The following HARS1 variants were observed in gnomAD, a reference collection of about 807,000 sequenced individuals.
HARS1 encodes histidine--tRNA ligase, cytoplasmic.
In HARS1, 45 loss-of-function variants were observed where a neutral mutation model predicts 63.6. The ratio of observed to expected loss-of-function variants is 0.71; its 90% confidence interval spans 0.56 to 0.91. HARS1 has a LOEUF of 0.91. Among genes scored for constraint, HARS1 ranks in the 40% least tolerant of loss-of-function variants. The pLI is 0.00. For missense variants in HARS1, 508 were observed against 643.2 expected (o/e 0.79, Z 2.27); for synonymous variants, 205 against 247.1 (o/e 0.83, Z 1.60).
Position 140,675,026 on chromosome 5 carries a change from A to G in HARS1, c.1302T>C (p.Ala434=). ...RLKLVSELWD[A]GIKAELLYKK... ...GGCTTGCCTCCCATACCTTGATCCC[A>G]GCATCCCACAGTTCTGAGACAAGCT... Residue 434 remains alanine, a synonymous_variant, in exon 11 of 13, where the codon GCT becomes GCC. Transcript: ENST00000504156. 1 of 1,608,172 alleles carries G rather than the reference A, an allele frequency of 6.2e-7. No homozygotes were observed. The highest frequency in any genetic ancestry group is 8.5e-7 in the Non-Finnish European group (1 of 1,174,720).
intron 7 of HARS1, 89 bp downstream of exon 7, chr5:140,677,566 G>T: frequency 1.9e-6 from 2 of 1,072,266 alleles, no homozygotes; most frequent in Non-Finnish European, 2.9e-6. Context: ...GGGTATAGAG[G>T]CATGCACCTC....
In HARS1 at chr5:140,674,156, G is replaced by A; in HGVS notation, c.*101C>T. 1.2e-6 allele frequency: 1 copy of A among 803,178 alleles called. No individual in the cohort carries two copies. The highest frequency in any genetic ancestry group is 2.2e-6 in the Non-Finnish European group (1 of 445,124). 49.8% of individuals were successfully genotyped at this position (803,178 alleles called of 1,614,324 possible). ...GTTCTGACCACTCTTCAGGTCTTCC[G>A]CTGAAACGGAAAAGTGCAAAGCAAT... On this transcript the variant is annotated 3_prime_UTR_variant, in exon 13 of 13. Coordinates refer to ENST00000504156, the MANE Select transcript of HARS1 (RefSeq NM_002109.6).
chr5:140,677,860 G>T, intron 6 of HARS1, 48 bp downstream of exon 6: 2 of 1,429,564 alleles, frequency 1.4e-6, no homozygotes, highest in African/African-American at 1.4e-5. Context: ...ATCTTCTCTT[G>T]TGAGAGGCCA....
chr5:140,674,163 C>G lies in HARS1; in HGVS notation c.*94G>C. 1 of 827,248 alleles carries G rather than the reference C, an allele frequency of 1.2e-6. No homozygotes were observed. Among genetic ancestry groups the G allele is most frequent in the East Asian group, 2.4e-5 (1 of 41,144 alleles). The allele number at this position is 827,248 out of a possible 1,614,324, so 51.2% of individuals were successfully genotyped here. A position where few individuals can be genotyped will look rare whatever the true frequency, so the allele number is the denominator to read the frequency against. ...CCACTCTTCAGGTCTTCCGCTGAAACGGAAAAGTGCAAAGCAATTGAAGTA... is the reference window on the plus strand; with the variant it reads ...CCACTCTTCAGGTCTTCCGCTGAAAGGGAAAAGTGCAAAGCAATTGAAGTA... On this transcript the variant is annotated 3_prime_UTR_variant, in exon 13 of 13. Transcript: ENST00000504156.
At position 140,676,659 on chromosome 5, in the gene HARS1, G is replaced by T. The variant is rs753260357; in HGVS notation, c.1189C>A (p.Leu397Ile). Residue 397 changes from leucine to isoleucine, a missense_variant, in exon 10 of 13, where the codon CTA becomes ATA. This residue lies in a region of HARS1 where 403 missense variants were observed against 548.7 expected (regional missense o/e 0.73). Coordinates refer to ENST00000504156, the MANE Select transcript of HARS1 (RefSeq NM_002109.6). The surrounding 1 kb of genome is among the most constrained non-coding windows in gnomAD (Gnocchi z 4.1). Reference sequence around the variant, plus strand: ...ACCTACCTCCTAGGACCTACCTCTAGTCTCTGTTCCACGATGGAGAAAATC... The same window carrying T: ...ACCTACCTCCTAGGACCTACCTCTATTCTCTGTTCCACGATGGAGAAAATC... ...ERIFSIVEQR[L>I]EALEEKIRTT... 1 of 1,614,164 alleles carries T rather than the reference G, an allele frequency of 6.2e-7. No homozygotes were observed.
intron 6 of HARS1, 51 bp downstream of exon 6, chr5:140,677,857 C>T (rs1562008559): frequency 4.2e-6 from 6 of 1,424,630 alleles, no homozygotes; most frequent in Non-Finnish European, 5.0e-6. Flanking sequence ...AGGATCTTCT[C>T]TTGTGAGAGG....
Position 140,690,712 on chromosome 5 carries a change from C to A in HARS1, c.180+143G>T, listed in dbSNP as rs1759357694. 4.6e-6 allele frequency: 3 copies of A among 649,714 alleles called. No individual in the cohort carries two copies. The South Asian group carries it at 5.2e-5, about 11-fold the overall frequency. 40.2% of individuals were successfully genotyped at this position (649,714 alleles called of 1,614,324 possible). On this transcript the variant is annotated intron_variant, in intron 2 of 12. Coordinates refer to ENST00000504156, the MANE Select transcript of HARS1 (RefSeq NM_002109.6). ...CAGAATGACTCAGGTAGAGTCCAGT[C>A]CAGCCCAGCGCCCAGAGCGACTGTC...
intron 2 of HARS1, among the ~76,000 whole-genome samples, chr5:140,687,256 T>C (rs1314120028): frequency 6.6e-6 from 1 of 152,182 alleles, no homozygotes; most frequent in East Asian, 1.9e-4. Flanking sequence ...TGGCCAGGCA[T>C]GGTGGCTCAG....
chr5:140,674,992 C>T lies in HARS1; in HGVS notation c.1311+25G>A, dbSNP rs1476393501. 4 of 1,532,618 alleles carry T rather than the reference C, an allele frequency of 2.6e-6. No homozygotes were observed. The South Asian group carries it at 3.3e-5, about 13-fold the overall frequency. The allele number at this position is 1,532,618 out of a possible 1,614,324, so 94.9% of individuals were successfully genotyped here. A position where few individuals can be genotyped will look rare whatever the true frequency, so the allele number is the denominator to read the frequency against. ...GTGTCCAGCACACCTAAGTTTGCTG[C>T]CACCCTGGGGCTTGCCTCCCATACC... is the stretch of plus-strand genomic sequence containing the variant. On this transcript the variant is annotated intron_variant, in intron 11 of 12. Transcript: ENST00000504156.
Position 140,679,673 on chromosome 5 carries a change from T to C in HARS1, c.396+115A>G, listed in dbSNP as rs1047389857. ...TCCACTCCTGGTTTAGAGAAATAAT[T>C]CCCCTAATCGCCAAAGGCCTCATAT... On this transcript the variant is annotated intron_variant, in intron 4 of 12. Transcript: ENST00000504156. The surrounding 1 kb of genome is among the most constrained non-coding windows in gnomAD (Gnocchi z 4.3). The C allele has an allele frequency of 5.3e-6, 3 of 563,266 alleles. No individual in the cohort carries two copies. Among genetic ancestry groups the C allele is most frequent in the African/African-American group, 3.9e-5 (2 of 51,278 alleles). The allele number at this position is 563,266 out of a possible 1,614,324, so 34.9% of individuals were successfully genotyped here.
intron 10 of HARS1, chr5:140,675,390 CT>C: frequency 2.8e-6 from 1 of 359,158 alleles, no homozygotes. Flanking sequence ...TAACTTCAAG[CT>C]TATCTCCATG....
intron 2 of HARS1, among the ~76,000 whole-genome samples, chr5:140,689,431 GA>G (rs1378082896): frequency 6.7e-6 from 1 of 148,994 alleles, no homozygotes; most frequent in Non-Finnish European, 1.5e-5. Flanking sequence ...TTTTTTATTT[GA>G]AATTTTTATT....
At chr5:140,674,418 G>A (rs1758230455) in intron 12 of HARS1, 90 bp from the exon 13 acceptor site, 2 of 985,946 alleles carry the variant, frequency 2.0e-6, no homozygotes, top group Non-Finnish European at 3.3e-6. Flanking sequence ...CTAGGCATCA[G>A]GCTTGTCTCA....
intron 2 of HARS1, chr5:140,687,627 A>G (rs896535414): frequency 2.0e-5 from 3 of 152,088 alleles, no homozygotes; most frequent in African/African-American, 7.2e-5. Flanking sequence ...AAATTAATTA[A>G]TTAATTAATT....
At chr5:140,680,649 G>A (rs1758667449) in intron 3 of HARS1, among the ~76,000 whole-genome samples, 1 of 151,350 alleles carries the variant, frequency 6.6e-6, no homozygotes, top group South Asian at 2.1e-4. Context: ...TTCGTGACCA[G>A]CCTGGCCAAC....
chr5:140,686,887 CCTGA>C (rs751417099), intron 2 of HARS1, among the ~76,000 whole-genome samples: 7 of 152,156 alleles, frequency 4.6e-5, no homozygotes, highest in South Asian at 2.1e-4. Context: ...GCCACCATGC[CCTGA>C]CTAAGTTTTC....
rs1366581698 is a variant in HARS1 at position 140,674,308 on chromosome 5, G to T, written c.1479C>A (p.Asp493Glu). ...TTCTCCTTTTGATTTCCTCCACAAGGTCTTCTCTTCGGACATCCACCTGGC... is the reference window on the plus strand; with the variant it reads ...TTCTCCTTTTGATTTCCTCCACAAGTTCTTCTCTTCGGACATCCACCTGGC... ...SREEVDVRRE[D>E]LVEEIKRRTG... is the part of the protein sequence containing the mutation. The change falls in exon 13 of 13, where the codon GAC becomes GAA. Residue 493 changes from aspartate (D) to glutamate (E), a missense_variant. Around this residue, in one of 2 missense-constraint regions of HARS1, gnomAD observed 403 missense variants for 548.7 expected, o/e 0.73. Coordinates refer to ENST00000504156, the MANE Select transcript of HARS1 (RefSeq NM_002109.6). The T allele has an allele frequency of 1.2e-6, 2 of 1,611,728 alleles. No homozygotes were observed. The highest frequency in any genetic ancestry group is 1.7e-6 in the Non-Finnish European group (2 of 1,177,818).
At chr5:140,680,462 A>G (rs1040212996) in intron 3 of HARS1, among the ~76,000 whole-genome samples, 2 of 152,148 alleles carry the variant, frequency 1.3e-5, no homozygotes, top group African/African-American at 4.8e-5. Context: ...TTTTTAAAAG[A>G]TGCATAAATT....
intron 2 of HARS1, chr5:140,684,309 A>G (rs1232223645): frequency 3.3e-6 from 2 of 597,666 alleles, no homozygotes; most frequent in Middle Eastern, 8.4e-4. Context: ...AAAAACAAAA[A>G]CAAACCCAAC....
Sources: gnomAD v4.1 joint callset for allele counts (sites outside exome capture counted in the v4.1 genomes callset) on GRCh38, gnomAD v4.1.1 for gene constraint, gnomAD v4.1.1 regional missense constraint, Gnocchi (gnomAD v3.1) non-coding constraint, MANE v1.5 for transcripts, NCBI Gene and HGNC (gene_info 2026-07-23, HGNC 2026-07-21) for gene names.